COPB1: variants seen among roughly 807,000 people sequenced by gnomAD.
COPB1 encodes coatomer subunit beta.
COPB1 carries 21 observed loss-of-function variants against 108.7 expected under a neutral mutation model. The observed-to-expected ratio is 0.19, with a 90% CI of 0.14 to 0.28. The LOEUF (loss-of-function observed/expected upper bound fraction) is 0.28, where lower values mean the gene tolerates loss of function less well. Ranked by LOEUF, COPB1 falls within the 10% of genes least tolerant of loss-of-function variation. The pLI, the probability that COPB1 is intolerant of heterozygous loss-of-function variation, is 1.00. For missense variants in COPB1, 919 were observed against 1,141.3 expected (o/e 0.81, Z 2.81); for synonymous variants, 378 against 386.8 (o/e 0.98, Z 0.27).
At chr11:14,498,778 AGT>A (rs1481724470) in intron 2 of COPB1, 58 bp downstream of exon 2, 1 of 1,316,840 alleles carries the variant, frequency 7.6e-7, no homozygotes, top group Admixed American at 2.3e-5. Context: ...ATGAAATATG[AGT>A]TTTTTATTTT....
At chr11:14,484,231 G>A (rs1333948216) in intron 7 of COPB1, among the ~76,000 whole-genome samples, 1 of 152,180 alleles carries the variant, frequency 6.6e-6, no homozygotes, top group Non-Finnish European at 1.5e-5. Context: ...ACTACGATAT[G>A]ACCACTGCAT....
intron 18 of COPB1, among the ~76,000 whole-genome samples, chr11:14,462,800 C>A (rs939847934): frequency 2.0e-5 from 3 of 152,170 alleles, no homozygotes; most frequent in African/African-American, 7.2e-5. Flanking sequence ...TTTACTTTCC[C>A]ATTCTCTACC....
Position 14,491,409 on chromosome 11 carries a change from C to T in COPB1, c.492-730G>A, listed in dbSNP as rs536539853. On this transcript the variant is annotated intron_variant, in intron 4 of 21. Coordinates refer to ENST00000439561, the MANE Select transcript of COPB1 (RefSeq NM_001144061.2). ...AAGGAGCCGGGCGCAGTGGCTCACA[C>T]CTGTAATCCCAGCACTTTGAGAGGC... Among the ~76,000 whole-genome samples, 18 of 152,254 alleles carry T rather than the reference C, an allele frequency of 1.2e-4. No individual in the cohort carries two copies. The South Asian group carries it at 3.7e-3, about 32-fold the overall frequency.
intron 11 of COPB1, among the ~76,000 whole-genome samples, chr11:14,479,322 T>C (rs1850605775): frequency 6.6e-6 from 1 of 152,212 alleles, no homozygotes; most frequent in Non-Finnish European, 1.5e-5. Context: ...TTAGTTACTT[T>C]AAGATTCACA....
chr11:14,495,897 C>A (rs1200722159), intron 2 of COPB1, among the ~76,000 whole-genome samples: 1 of 152,128 alleles, frequency 6.6e-6, no homozygotes, highest in African/African-American at 2.4e-5. Context: ...ATTTTGCATT[C>A]AACTATCCTA....
At position 14,498,907 on chromosome 11, in the gene COPB1, A is replaced by G; in HGVS notation, c.22T>C (p.Cys8Arg). Reference sequence around the variant, plus strand: ...ATTGGCACGTTAATTAACGTGTAGCATACGTTCTCAGCCGCCGTCATGGTT... The same window carrying G: ...ATTGGCACGTTAATTAACGTGTAGCGTACGTTCTCAGCCGCCGTCATGGTT... MTAAENV[C>R]YTLINVPMDS... Residue 8 changes from cysteine to arginine, a missense_variant, in exon 2 of 22, where the codon TGC becomes CGC. Physicochemically the swap from Cys to Arg is radical, Grantham distance 180 (BLOSUM62 -3). Coordinates refer to ENST00000439561, the MANE Select transcript of COPB1 (RefSeq NM_001144061.2). 1 of 1,610,046 alleles carries G rather than the reference A, an allele frequency of 6.2e-7. No individual in the cohort carries two copies. The highest frequency in any genetic ancestry group is 8.5e-7 in the Non-Finnish European group (1 of 1,179,216).
chr11:14,461,719 A>T (rs1291658354), intron 18 of COPB1, among the ~76,000 whole-genome samples: 4 of 152,234 alleles, frequency 2.6e-5, no homozygotes, highest in African/African-American at 9.6e-5. Flanking sequence ...CAGCAGATAT[A>T]CAAGTGGACG....
At chr11:14,468,505 G>T (rs1329498021) in intron 16 of COPB1, among the ~76,000 whole-genome samples, 176 bp downstream of exon 16, 5 of 152,166 alleles carry the variant, frequency 3.3e-5, no homozygotes, top group South Asian at 2.1e-4. Flanking sequence ...TGGACTTACA[G>T]TACTATCACA....
rs199962306 is a variant in COPB1, at chr11:14,477,052, G to C, written c.1359-37C>G. 9.9e-6 allele frequency: 13 copies of C among 1,312,328 alleles called. No homozygotes were observed. In the African/African-American group the frequency reaches 1.6e-4, roughly 16 times the overall value. The allele number at this position is 1,312,328 out of a possible 1,614,324, so 81.3% of individuals were successfully genotyped here. A position where few individuals can be genotyped will look rare whatever the true frequency, so the allele number is the denominator to read the frequency against. On this transcript the variant is annotated intron_variant, in intron 11 of 21. Coordinates refer to ENST00000439561, the MANE Select transcript of COPB1 (RefSeq NM_001144061.2). Reference sequence around the variant, plus strand: ...CAAGATCTGAAACATGAACTTGGCAGACAAATCTTGAAGCAGAGATCTTTC... The same window carrying C: ...CAAGATCTGAAACATGAACTTGGCACACAAATCTTGAAGCAGAGATCTTTC...
At chr11:14,492,789 C>A (rs1850936448) in intron 4 of COPB1, among the ~76,000 whole-genome samples, 1 of 152,120 alleles carries the variant, frequency 6.6e-6, no homozygotes, top group South Asian at 2.1e-4. Context: ...TAAATTGATA[C>A]CTGTGACTGT....
At chr11:14,482,925 T>A (rs1048751545) in intron 8 of COPB1, 107 bp downstream of exon 8, 178 of 997,332 alleles carry the variant, frequency 1.8e-4, no homozygotes, top group Non-Finnish European at 2.5e-4. Context: ...AAATATAAAC[T>A]GCTCAGTTTC....
At position 14,460,362 on chromosome 11, in the gene COPB1, A is replaced by G. The variant is rs1589950369; in HGVS notation, c.2557-65T>C. On this transcript the variant is annotated intron_variant, in intron 19 of 21. Coordinates refer to ENST00000439561, the MANE Select transcript of COPB1 (RefSeq NM_001144061.2). ...TACTATGAGAAAGCTGTGAATCACCAGTATGTCATATTAAAAACTTGTTCC... is the reference window on the plus strand; with the variant it reads ...TACTATGAGAAAGCTGTGAATCACCGGTATGTCATATTAAAAACTTGTTCC... 6 of 986,382 alleles carry G rather than the reference A, an allele frequency of 6.1e-6. No homozygotes were observed. In the East Asian group the frequency reaches 9.8e-5, roughly 16 times the overall value. The allele number at this position is 986,382 out of a possible 1,614,324, so 61.1% of individuals were successfully genotyped here.
chr11:14,464,733 T>C (rs942373900), intron 18 of COPB1, among the ~76,000 whole-genome samples, 178 bp downstream of exon 18: 3 of 152,170 alleles, frequency 2.0e-5, no homozygotes, highest in African/African-American at 7.2e-5. Flanking sequence ...AGTGACTCTA[T>C]CTGGTTCATT....
intron 18 of COPB1, among the ~76,000 whole-genome samples, chr11:14,462,672 C>T (rs1187574466): frequency 6.6e-6 from 1 of 152,218 alleles, no homozygotes; most frequent in Admixed American, 6.5e-5. Context: ...ATCCTTCCCT[C>T]TCATACGTAT....
At chr11:14,490,832 T>C (rs1850881747) in intron 4 of COPB1, among the ~76,000 whole-genome samples, 153 bp from the exon 5 acceptor site, 1 of 151,760 alleles carries the variant, frequency 6.6e-6, no homozygotes, top group African/African-American at 2.4e-5. Flanking sequence ...CTCTGTTGCC[T>C]GGGCTGGAGT....
intron 12 of COPB1, among the ~76,000 whole-genome samples, 158 bp downstream of exon 12, chr11:14,476,758 GCTT>G (rs1199130638): frequency 1.3e-4 from 16 of 121,000 alleles, no homozygotes; most frequent in Non-Finnish European, 1.8e-4. Context: ...ACAAGCTACT[GCTT>G]CTTTTTTTTT....
At chr11:14,459,272 C>T (rs1441897124) in intron 20 of COPB1, among the ~76,000 whole-genome samples, 1 of 151,956 alleles carries the variant, frequency 6.6e-6, no homozygotes, top group Non-Finnish European at 1.5e-5. Flanking sequence ...TGACTGCCTC[C>T]CATATCAGAC....
chr11:14,488,738 T>C (rs1388665582), intron 5 of COPB1, among the ~76,000 whole-genome samples, 154 bp from the exon 6 acceptor site: 3 of 151,956 alleles, frequency 2.0e-5, no homozygotes, highest in Admixed American at 2.0e-4. Context: ...AAGAATAAAA[T>C]TAACATATAA....
rs538948337 is a variant in COPB1 at position 14,479,721 on chromosome 11, G to GAAA, written c.1213-10_1213-8dup. 38 of 1,171,550 alleles carry GAAA rather than the reference G, an allele frequency of 3.2e-5. No homozygotes were observed. Among genetic ancestry groups the GAAA allele is most frequent in the South Asian group, 1.0e-4 (6 of 59,074 alleles). The allele number at this position is 1,171,550 out of a possible 1,614,324, so 72.6% of individuals were successfully genotyped here. On this transcript the variant is annotated splice_region_variant and splice_polypyrimidine_tract_variant and intron_variant, in intron 10 of 21. Coordinates refer to ENST00000439561, the MANE Select transcript of COPB1 (RefSeq NM_001144061.2). ...CACTGAGAAATTCCATTAACTAAAA[G>GAAA]AAAAAAAAAAAAAAGAAAATGGAAC... is the stretch of plus-strand genomic sequence containing the variant.
Sources: allele counts gnomAD v4.1 joint callset (sites outside exome capture counted in the v4.1 genomes callset), GRCh38; gene constraint gnomAD v4.1.1; transcripts MANE v1.5; gene names NCBI Gene and HGNC (gene_info 2026-07-23, HGNC 2026-07-21).